Variants in SPRED1 observed in about 807,000 individuals in gnomAD.
SPRED1 encodes the protein sprouty-related, EVH1 domain-containing protein 1.
Under a neutral mutation model 52.3 loss-of-function variants are expected in SPRED1, and 18 were observed. The observed-to-expected ratio is 0.34, with a 90% CI of 0.24 to 0.51. The LOEUF (loss-of-function observed/expected upper bound fraction) is 0.51. SPRED1 is among the 20% of genes least tolerant of loss of function. The pLI is 0.97. For synonymous variants in SPRED1, 155 were observed against 179.7 expected (o/e 0.86, Z 1.10); for missense variants, 485 against 551.0 (o/e 0.88, Z 1.20).
intron 1 of SPRED1, among the ~76,000 whole-genome samples, chr15:38,262,202 A>G (rs1421304262): frequency 6.6e-6 from 1 of 152,226 alleles, no homozygotes; most frequent in Non-Finnish European, 1.5e-5. Flanking sequence ...AATTCAGTTC[A>G]GTGGCATTTG....
intron 1 of SPRED1, among the ~76,000 whole-genome samples, chr15:38,264,364 T>G (rs568463046): frequency 1.4e-4 from 22 of 152,348 alleles, no homozygotes; most frequent in African/African-American, 4.1e-4. Flanking sequence ...AGTGGTAGAT[T>G]GACACATAGA....
intron 4 of SPRED1, among the ~76,000 whole-genome samples, chr15:38,328,720 G>GT (rs1185824383): frequency 6.6e-6 from 1 of 151,872 alleles, no homozygotes; most frequent in Non-Finnish European, 1.5e-5. Context: ...AGAGCTTTTG[G>GT]TTTTTTTGTT....
At chr15:38,339,954 T>A in intron 5 of SPRED1, 59 bp downstream of exon 5, 1 of 1,602,618 alleles carries the variant, frequency 6.2e-7, no homozygotes, top group Non-Finnish European at 8.5e-7. Context: ...TTGAATGATG[T>A]CATAGATAAG....
At chr15:38,317,059 G>A (rs1194143025) in intron 2 of SPRED1, among the ~76,000 whole-genome samples, 5 of 151,504 alleles carry the variant, frequency 3.3e-5, no homozygotes, top group Non-Finnish European at 7.4e-5. Flanking sequence ...AGAGGGTGAG[G>A]CCACTGGTTG....
chr15:38,279,359 G>A (rs1354737611), intron 1 of SPRED1, among the ~76,000 whole-genome samples: 1 of 152,214 alleles, frequency 6.6e-6, no homozygotes, highest in Non-Finnish European at 1.5e-5. Context: ...CATGATTTAT[G>A]TAGGCTATAG....
At chr15:38,314,753 TTAAC>T in intron 2 of SPRED1, among the ~76,000 whole-genome samples, 1 of 152,056 alleles carries the variant, frequency 6.6e-6, no homozygotes, top group South Asian at 2.1e-4. Flanking sequence ...GTTTTTTATA[TTAAC>T]TATTTAGTCA....
At chr15:38,257,902 AGCCTTTTCTCTGGT>A (rs1894132164) in intron 1 of SPRED1, among the ~76,000 whole-genome samples, 1 of 152,242 alleles carries the variant, frequency 6.6e-6, no homozygotes, top group Non-Finnish European at 1.5e-5. Context: ...GTAACAATTT[AGCCTTTTCTCTGGT>A]GTTGTATAAC....
intron 1 of SPRED1, among the ~76,000 whole-genome samples, chr15:38,261,676 C>T (rs1894209104): frequency 6.6e-6 from 1 of 152,052 alleles, no homozygotes; most frequent in South Asian, 2.1e-4. Flanking sequence ...TGGGTTCACG[C>T]CTTTCTAACA....
intron 1 of SPRED1, among the ~76,000 whole-genome samples, chr15:38,263,510 G>T (rs943571839): frequency 6.6e-6 from 1 of 152,156 alleles, no homozygotes; most frequent in Non-Finnish European, 1.5e-5. Context: ...AAGAAGAGAC[G>T]CCAAAAGACG....
At chr15:38,342,293 A>C (rs1355809253) in intron 5 of SPRED1, among the ~76,000 whole-genome samples, 2 of 152,044 alleles carry the variant, frequency 1.3e-5, no homozygotes, top group Admixed American at 6.6e-5. Flanking sequence ...GCATCCTTAA[A>C]ATCTATCCTG....
chr15:38,253,799 C>G (rs1220657063), intron 1 of SPRED1, among the ~76,000 whole-genome samples: 2 of 152,028 alleles, frequency 1.3e-5, no homozygotes, highest in Admixed American at 6.6e-5. Context: ...TTAAGGACAC[C>G]TGGAGTGTGG....
intron 4 of SPRED1, among the ~76,000 whole-genome samples, chr15:38,327,918 A>G (rs1595749733): frequency 6.6e-6 from 1 of 152,250 alleles, no homozygotes; most frequent in South Asian, 2.1e-4. Context: ...TAATTTTTTC[A>G]GAGTTACAAC....
intron 1 of SPRED1, among the ~76,000 whole-genome samples, chr15:38,291,068 TC>T (rs1418168764): frequency 6.6e-6 from 1 of 152,124 alleles, no homozygotes; most frequent in Admixed American, 6.5e-5. Flanking sequence ...GCTAGTTACT[TC>T]CTAGATACAA....
rs1888583329 is a variant in SPRED1, at chr15:38,355,024, C to G, written c.*3360C>G. The G allele has an allele frequency of 6.6e-6, 1 of 152,398 alleles. No homozygotes were observed. The highest frequency in any genetic ancestry group is 1.5e-5 in the Non-Finnish European group (1 of 68,234). 9.4% of individuals were successfully genotyped at this position (152,398 alleles called of 1,614,324 possible). On this transcript the variant is annotated 3_prime_UTR_variant, in exon 7 of 7. Transcript: ENST00000299084. ...AGGCTGGAGTGCAATGGTGCGATCT[C>G]AGCTCACTGCAACCTCCGCCTCCTG...
At chr15:38,350,296 T>G (rs1888454353) in intron 6 of SPRED1, among the ~76,000 whole-genome samples, 1 of 152,182 alleles carries the variant, frequency 6.6e-6, no homozygotes, top group African/African-American at 2.4e-5. Context: ...ACATGCTCTT[T>G]CCTCTGCCCG....
In SPRED1 at chr15:38,294,093, T is replaced by TA. The variant is rs1486251861; in HGVS notation, c.33-5279dup. On this transcript the variant is annotated intron_variant, in intron 1 of 6. Coordinates refer to ENST00000299084, the MANE Select transcript of SPRED1 (RefSeq NM_152594.3). ...ATCTTCTGAATGTCTGCATTCTACA[T>TA]AGTTTAGAAAGCACGTACTTACACT... Among the ~76,000 whole-genome samples the TA allele has an allele frequency of 4.6e-5, 7 of 152,314 alleles. No homozygotes were observed. The East Asian group carries it at 1.3e-3, about 29-fold the overall frequency.
chr15:38,289,214 C>G (rs113129501), intron 1 of SPRED1, among the ~76,000 whole-genome samples: 58 of 119,756 alleles, frequency 4.8e-4, no homozygotes, highest in African/African-American at 1.6e-3. Context: ...AAACTGCAAT[C>G]AGTGCTTTGA....
chr15:38,311,032 A>G lies in SPRED1; in HGVS notation c.208-11209A>G, dbSNP rs1311400368. On this transcript the variant is annotated intron_variant, in intron 2 of 6. Transcript: ENST00000299084. ...ACATCCTTGCCTTGTTTCAGATATT[A>G]ACCAAAACACATACACTCTTTCACT... Among the ~76,000 whole-genome samples, 6 of 152,122 alleles carry G rather than the reference A, an allele frequency of 3.9e-5. No individual in the cohort carries two copies. In the East Asian group the frequency reaches 1.2e-3, roughly 29 times the overall value.
At chr15:38,314,398 C>G (rs533631930) in intron 2 of SPRED1, among the ~76,000 whole-genome samples, 1 of 151,908 alleles carries the variant, frequency 6.6e-6, no homozygotes, top group African/African-American at 2.4e-5. Context: ...TACCTTTTAG[C>G]CTAAGAGTCC....
Sources: allele counts gnomAD v4.1 joint callset (sites outside exome capture counted in the v4.1 genomes callset), GRCh38; gene constraint gnomAD v4.1.1; transcripts MANE v1.5; gene names NCBI Gene and HGNC (gene_info 2026-07-23, HGNC 2026-07-21).